CPQ: variants seen among roughly 807,000 people sequenced by gnomAD.
CPQ encodes carboxypeptidase Q.
In CPQ, 37 loss-of-function variants were observed where a neutral mutation model predicts 45.7. The ratio of observed to expected loss-of-function variants is 0.81; its 90% CI spans 0.62 to 1.07. The LOEUF (loss-of-function observed/expected upper bound fraction) is 1.07, where lower values mean the gene tolerates loss of function less well. Ranked by LOEUF, CPQ falls within the 50% of genes least tolerant of loss-of-function variation. The probability of loss-of-function intolerance (pLI) is 0.00; values close to 1 mark genes in which losing one functional copy is unlikely to be tolerated. For synonymous variants in CPQ, 186 were observed against 205.8 expected (o/e 0.90, Z 0.82); for missense variants, 537 against 572.9 (o/e 0.94, Z 0.64).
chr8:96,683,000 G>A (rs1364039218), intron 1 of CPQ, among the ~76,000 whole-genome samples: 1 of 151,982 alleles, frequency 6.6e-6, no homozygotes. Flanking sequence ...ATTTTTGGTT[G>A]TTTTATATAT....
intron 6 of CPQ, among the ~76,000 whole-genome samples, chr8:97,064,828 A>G (rs1170053237): frequency 1.7e-4 from 26 of 152,174 alleles, no homozygotes. Context: ...CTCCAGTGCC[A>G]TGCTAGTGAT....
chr8:96,824,499 T>A (rs1022588669), intron 2 of CPQ, among the ~76,000 whole-genome samples: 4 of 152,066 alleles, frequency 2.6e-5, no homozygotes, highest in South Asian at 2.1e-4. Context: ...ATCATTTTTT[T>A]ATTTAAATAT....
chr8:97,091,640 C>T (rs1811125974), intron 7 of CPQ, among the ~76,000 whole-genome samples: 1 of 152,054 alleles, frequency 6.6e-6, no homozygotes, highest in Non-Finnish European at 1.5e-5. Context: ...TGCCATTGTC[C>T]ATTTATGATC....
intron 1 of CPQ, among the ~76,000 whole-genome samples, chr8:96,749,843 C>A (rs1459377576): frequency 6.6e-6 from 1 of 152,022 alleles, no homozygotes; most frequent in Non-Finnish European, 1.5e-5. Flanking sequence ...TTTTTTCCCA[C>A]CAATTCTACT....
chr8:96,674,438 C>T (rs1284613005), intron 1 of CPQ, among the ~76,000 whole-genome samples: 2 of 152,064 alleles, frequency 1.3e-5, no homozygotes, highest in Admixed American at 6.6e-5. Context: ...TTTTCTATTA[C>T]TCTGAATTAG....
At chr8:96,736,661 C>G (rs1251199891) in intron 1 of CPQ, among the ~76,000 whole-genome samples, 1 of 152,124 alleles carries the variant, frequency 6.6e-6, no homozygotes, top group African/African-American at 2.4e-5. Flanking sequence ...TAAATGGCTG[C>G]ATACTACATG....
intron 4 of CPQ, among the ~76,000 whole-genome samples, chr8:96,884,674 G>A (rs1189116623): frequency 2.6e-5 from 4 of 152,186 alleles, no homozygotes; most frequent in Admixed American, 1.3e-4. Flanking sequence ...AATGTCTGGT[G>A]GAGATTCAAG....
At chr8:96,645,980 C>G (rs905261465) in intron 1 of CPQ, among the ~76,000 whole-genome samples, 3 of 149,154 alleles carry the variant, frequency 2.0e-5, no homozygotes, top group Admixed American at 6.7e-5. Flanking sequence ...GTACCTATGC[C>G]GTAGAACTGA....
chr8:96,770,133 G>C (rs1306916711), intron 1 of CPQ, among the ~76,000 whole-genome samples: 1 of 152,198 alleles, frequency 6.6e-6, no homozygotes, highest in African/African-American at 2.4e-5. Context: ...GTTAGCCCGT[G>C]TTGCTGGGAT....
rs1586482115 is a variant in CPQ, at chr8:96,988,440, A to G, written c.961+22394A>G. On this transcript the variant is annotated intron_variant, in intron 5 of 7. Transcript: ENST00000220763. ...TATATTTCAGACTGGGAAAAAATGT[A>G]CTATTTGTAAGCAGATGATTTAATT... 3.3e-5 allele frequency among the ~76,000 whole-genome samples: 5 copies of G among 152,272 alleles called. 1 individual carries two copies.
At chr8:96,712,042 A>T (rs565132934) in intron 1 of CPQ, among the ~76,000 whole-genome samples, 1 of 152,270 alleles carries the variant, frequency 6.6e-6, no homozygotes, top group South Asian at 2.1e-4. Flanking sequence ...GGAGAAATTG[A>T]CCAAAACAAA....
At chr8:97,056,658 C>G (rs1810459875) in intron 6 of CPQ, 1 of 152,156 alleles carries the variant, frequency 6.6e-6, no homozygotes, top group South Asian at 2.1e-4. Context: ...ACAGAACATG[C>G]TTATATTTAT....
At chr8:97,128,065 T>A (rs1295398917) in intron 7 of CPQ, among the ~76,000 whole-genome samples, 1 of 152,250 alleles carries the variant, frequency 6.6e-6, no homozygotes, top group Non-Finnish European at 1.5e-5. Flanking sequence ...ACACTTAGAA[T>A]GAGTATTTTC....
At chr8:96,954,668 C>G in intron 4 of CPQ, among the ~76,000 whole-genome samples, 1 of 151,870 alleles carries the variant, frequency 6.6e-6, no homozygotes, top group East Asian at 1.9e-4. Flanking sequence ...CATATGTATA[C>G]CTGTGCCATG....
intron 7 of CPQ, among the ~76,000 whole-genome samples, chr8:97,121,126 C>A (rs537005212): frequency 6.6e-6 from 1 of 152,254 alleles, no homozygotes; most frequent in African/African-American, 2.4e-5. Flanking sequence ...AGTTACAGTG[C>A]TGTATTGACA....
chr8:96,926,782 C>T (rs1447373226), intron 4 of CPQ, among the ~76,000 whole-genome samples: 1 of 151,898 alleles, frequency 6.6e-6, no homozygotes, highest in Non-Finnish European at 1.5e-5. Context: ...CACCCATCAA[C>T]CTGTCATCTA....
chr8:97,023,542 A>C (rs1392231041), intron 5 of CPQ, among the ~76,000 whole-genome samples: 2 of 152,214 alleles, frequency 1.3e-5, no homozygotes, highest in East Asian at 3.8e-4. Flanking sequence ...CTAGGCCAGA[A>C]ATGGCCTTTA....
intron 2 of CPQ, among the ~76,000 whole-genome samples, chr8:96,815,988 C>T (rs1000567753): frequency 2.6e-5 from 4 of 152,090 alleles, no homozygotes; most frequent in South Asian, 2.1e-4. Context: ...TGACGGCTGC[C>T]GACTGATGAG....
intron 7 of CPQ, among the ~76,000 whole-genome samples, chr8:97,139,188 A>T (rs1202797934): frequency 6.6e-6 from 1 of 152,200 alleles, no homozygotes; most frequent in East Asian, 1.9e-4. Flanking sequence ...TGAGTTTTCA[A>T]TTTACCAGGG....
Sources: gnomAD v4.1 joint callset for allele counts (sites outside exome capture counted in the v4.1 genomes callset) on GRCh38, gnomAD v4.1.1 for gene constraint, MANE v1.5 for transcripts, NCBI Gene and HGNC (gene_info 2026-07-23, HGNC 2026-07-21) for gene names.